The following CNTN6 variants were observed in gnomAD, a reference collection of about 807,000 sequenced individuals.
The protein encoded by CNTN6 is contactin-6.
A neutral mutation model predicts 122.8 loss-of-function variants in CNTN6; 137 were observed. The ratio of observed to expected loss-of-function variants is 1.12; its 90% CI spans 0.97 to 1.29. The LOEUF (loss-of-function observed/expected upper bound fraction) is 1.29. CNTN6 is among the 50% of genes most tolerant of loss of function. CNTN6 has a pLI of 0.00. For synonymous variants in CNTN6, 570 were observed against 426.0 expected, an observed-to-expected ratio of 1.34 and a Z score of -4.16; for missense variants, 1,634 against 1,223.4, an observed-to-expected ratio of 1.34 and a Z score of -5.01.
At chr3:1,335,295 A>G (rs776372675) in intron 11 of CNTN6, among the ~76,000 whole-genome samples, 3 of 152,162 alleles carry the variant, frequency 2.0e-5, no homozygotes, top group Non-Finnish European at 4.4e-5. Flanking sequence ...TTGTATGCAT[A>G]TCCCAGTTGT....
intron 10 of CNTN6, among the ~76,000 whole-genome samples, chr3:1,328,767 G>C (rs551733229): frequency 6.6e-6 from 1 of 151,612 alleles, no homozygotes; most frequent in South Asian, 2.1e-4. Context: ...TGGCATACCC[G>C]AAAGAACTTC....
intron 12 of CNTN6, among the ~76,000 whole-genome samples, chr3:1,352,935 A>G (rs1282977523): frequency 6.6e-6 from 1 of 151,790 alleles, no homozygotes; most frequent in Non-Finnish European, 1.5e-5. Flanking sequence ...CTTTTCAAAG[A>G]GAAAAAATTA....
intron 1 of CNTN6, 62 bp from the exon 2 acceptor site, chr3:1,147,865 A>T (rs1164114563): frequency 1.8e-6 from 1 of 550,192 alleles, no homozygotes; most frequent in East Asian, 2.8e-5. Context: ...CAACAAAAAT[A>T]TGCTTATTAA....
At chr3:1,396,041 T>C (rs1694948114) in intron 20 of CNTN6, among the ~76,000 whole-genome samples, 1 of 152,234 alleles carries the variant, frequency 6.6e-6, no homozygotes, top group African/African-American at 2.4e-5. Flanking sequence ...TCAAACTGCT[T>C]TGAAATTTTT....
In CNTN6 at chr3:1,261,033, A is replaced by T. The variant is rs147076595; in HGVS notation, c.359-17380A>T. Among the ~76,000 whole-genome samples the T allele has an allele frequency of 2.8e-3, 428 of 152,262 alleles. 1 individual carries two copies. Among genetic ancestry groups the T allele is most frequent in the African/African-American group, 9.5e-3 (393 of 41,552 alleles). ...TTAATGTGAAGTATCAGAGAACTCT[A>T]TGTGCGATGGGGAAAAAAAAATTAG... On this transcript the variant is annotated intron_variant, in intron 4 of 22. Coordinates refer to ENST00000446702, the MANE Select transcript of CNTN6 (RefSeq NM_001289080.2).
rs148430024 is a variant in CNTN6 at position 1,204,299 on chromosome 3, A to C, written c.56-16388A>C. On this transcript the variant is annotated intron_variant, in intron 2 of 22. Coordinates refer to ENST00000446702, the MANE Select transcript of CNTN6 (RefSeq NM_001289080.2). ...CTTTACTCTGAGACATTTTTAAAAAACGCTTTTAGTTGTTTTGTGTACTTG... is the reference window on the plus strand; with the variant it reads ...CTTTACTCTGAGACATTTTTAAAAACCGCTTTTAGTTGTTTTGTGTACTTG... 3.4e-4 allele frequency among the ~76,000 whole-genome samples: 52 copies of C among 152,214 alleles called. No homozygotes were observed. The East Asian group carries it at 8.5e-3, about 25-fold the overall frequency.
chr3:1,233,976 C>T (rs1243453222), intron 4 of CNTN6, among the ~76,000 whole-genome samples: 1 of 151,960 alleles, frequency 6.6e-6, no homozygotes, highest in Non-Finnish European at 1.5e-5. Flanking sequence ...TTTTAAAGGG[C>T]TATAAACATG....
chr3:1,104,800 T>A (rs1417677962), intron 1 of CNTN6, among the ~76,000 whole-genome samples: 2 of 152,140 alleles, frequency 1.3e-5, no homozygotes, highest in Non-Finnish European at 2.9e-5. Flanking sequence ...TTAATGCATA[T>A]GTTCTGCTTT....
intron 7 of CNTN6, among the ~76,000 whole-genome samples, chr3:1,313,392 TAA>T (rs1699664275): frequency 6.6e-6 from 1 of 152,114 alleles, no homozygotes. Context: ...TCTCTGTTCA[TAA>T]TCTTGGTATT....
chr3:1,327,346 C>G, intron 9 of CNTN6, 111 bp from the exon 10 acceptor site: 1 of 1,215,624 alleles, frequency 8.2e-7, no homozygotes, highest in Non-Finnish European at 1.2e-6. Context: ...TATTAATACA[C>G]CAAATTATCA....
chr3:1,188,388 A>G (rs1306598351), intron 2 of CNTN6, among the ~76,000 whole-genome samples: 1 of 152,240 alleles, frequency 6.6e-6, no homozygotes, highest in African/African-American at 2.4e-5. Flanking sequence ...TAAGGCTTTT[A>G]GAATTAGCAA....
chr3:1,347,201 G>A (rs1043795793), intron 11 of CNTN6, among the ~76,000 whole-genome samples: 1 of 151,998 alleles, frequency 6.6e-6, no homozygotes, highest in African/African-American at 2.4e-5. Context: ...CAATACAAAC[G>A]CTATTAATTT....
chr3:1,282,289 T>G (rs1693602319), intron 5 of CNTN6, among the ~76,000 whole-genome samples: 1 of 152,198 alleles, frequency 6.6e-6, no homozygotes, highest in Non-Finnish European at 1.5e-5. Flanking sequence ...GAAGCACAGA[T>G]GCAAATGTCC....
intron 7 of CNTN6, among the ~76,000 whole-genome samples, chr3:1,304,603 C>A (rs796134435): frequency 6.6e-6 from 1 of 152,020 alleles, no homozygotes; most frequent in African/African-American, 2.4e-5. Flanking sequence ...TTAAAAAATG[C>A]TTTATCTAGG....
intron 8 of CNTN6, 100 bp from the exon 9 acceptor site, chr3:1,325,715 G>C: frequency 7.8e-7 from 1 of 1,285,346 alleles, no homozygotes; most frequent in South Asian, 1.6e-5. Context: ...ACTGGACCCA[G>C]TTAGCCTTGT....
At chr3:1,331,340 A>G (rs902820583) in intron 11 of CNTN6, among the ~76,000 whole-genome samples, 2 of 152,040 alleles carry the variant, frequency 1.3e-5, no homozygotes, top group Non-Finnish European at 2.9e-5. Flanking sequence ...TCTGTGGAAT[A>G]AATGAATGAA....
At chr3:1,225,705 T>G (rs1194258138) in intron 3 of CNTN6, among the ~76,000 whole-genome samples, 1 of 151,586 alleles carries the variant, frequency 6.6e-6, no homozygotes, top group African/African-American at 2.4e-5. Flanking sequence ...TATTGTTTTT[T>G]TTTTTTTTCA....
intron 11 of CNTN6, among the ~76,000 whole-genome samples, chr3:1,343,623 C>T (rs540626771): frequency 8.9e-4 from 135 of 152,128 alleles, no homozygotes; most frequent in African/African-American, 3.0e-3. Context: ...TTATTAAGTA[C>T]CTGCTAACTG....
rs537484720 is a variant in CNTN6, at chr3:1,194,121, AAAG to A, written c.56-26560_56-26558del. ...TTCTCACAAATCCAGTAGAAATTAT[AAAG>A]AAGAAAAAGCAACAATTAATCCAGA... On this transcript the variant is annotated intron_variant, in intron 2 of 22. Transcript: ENST00000446702. Among the ~76,000 whole-genome samples the A allele has an allele frequency of 4.0e-3, 609 of 152,316 alleles. 9 individuals are homozygous for A. Among genetic ancestry groups the A allele is most frequent in the Non-Finnish European group, 5.9e-3 (399 of 68,010 alleles).
Sources: gnomAD v4.1 joint callset for allele counts (sites outside exome capture counted in the v4.1 genomes callset) on GRCh38, gnomAD v4.1.1 for gene constraint, MANE v1.5 for transcripts, NCBI Gene and HGNC (gene_info 2026-07-23, HGNC 2026-07-21) for gene names.